Variants in PDCD2 observed in about 807,000 individuals in gnomAD.
The protein encoded by PDCD2 is programmed cell death 2.
Under a neutral mutation model 38.1 loss-of-function variants are expected in PDCD2, and 38 were observed. The ratio of observed to expected loss-of-function variants is 1.00; its 90% confidence interval spans 0.77 to 1.31. The LOEUF (loss-of-function observed/expected upper bound fraction) is 1.31. Ranked by LOEUF, PDCD2 falls within the 50% of genes most tolerant of loss-of-function variation. PDCD2 has a pLI of 0.00. For missense variants in PDCD2, 473 were observed against 435.7 expected (o/e 1.09, Z -0.76); for synonymous variants, 205 against 168.9 (o/e 1.21, Z -1.66).
At chr6:170,583,839 A>C in intron 1 of PDCD2, 92 bp from the exon 2 acceptor site, 5 of 994,266 alleles carry the variant, frequency 5.0e-6, no homozygotes, top group Non-Finnish European at 7.3e-6. Flanking sequence ...AATAACAACA[A>C]CAAAAAAGAA....
At position 170,576,245 on chromosome 6, in the gene PDCD2, A is replaced by G. The variant is rs770094038; in HGVS notation, c.*1314T>C. The G allele has an allele frequency of 6.6e-6, 1 of 152,248 alleles. No homozygotes were observed. Among genetic ancestry groups the G allele is most frequent in the South Asian group, 2.1e-4 (1 of 4,836 alleles). The allele number at this position is 152,248 out of a possible 1,614,324, so 9.4% of individuals were successfully genotyped here. ...TAACTATCTTATACAATTAATACAA[A>G]TTGCATATGTATACTTATATAATAT... On this transcript the variant is annotated 3_prime_UTR_variant, in exon 6 of 6. Transcript: ENST00000541970.
chr6:170,579,974 C>T (rs769504758), intron 4 of PDCD2, 28 bp downstream of exon 4: 6 of 1,106,846 alleles, frequency 5.4e-6, no homozygotes, highest in Non-Finnish European at 7.0e-6. Context: ...GAAGAGAACA[C>T]GATGAGGAGC....
chr6:170,584,273 C>A (rs746492266), intron 1 of PDCD2, 26 bp downstream of exon 1: 100 of 1,400,586 alleles, frequency 7.1e-5, no homozygotes, highest in Non-Finnish European at 8.9e-5. Flanking sequence ...GGCATGGCCC[C>A]GTCCCGACCC....
In PDCD2 at chr6:170,583,711, TAA is replaced by T. The variant is rs1284026246; in HGVS notation, c.318_319del (p.Phe106LeufsTer4). ...ATTCTCAGAAGGTGGCTCATATGAG[TAA>T]AAATCGTTTTTCCTGGGTAGTTGAT... On this transcript the variant is annotated frameshift_variant, in exon 2 of 6. Coordinates refer to ENST00000541970, the MANE Select transcript of PDCD2 (RefSeq NM_002598.4). LOFTEE classifies it high-confidence loss of function. The T allele has an allele frequency of 6.2e-7, 1 of 1,612,692 alleles. No homozygotes were observed. Among genetic ancestry groups the T allele is most frequent in the Admixed American group, 1.7e-5 (1 of 59,918 alleles).
chr6:170,584,255 G>A, intron 1 of PDCD2, 44 bp downstream of exon 1: 1 of 1,353,034 alleles, frequency 7.4e-7, no homozygotes, highest in Non-Finnish European at 9.5e-7. Context: ...CGCCGCGCAC[G>A]CGTCGGAGGC....
chr6:170,583,679 G>A lies in PDCD2; in HGVS notation c.352C>T (p.Pro118Ser). 1 of 1,613,726 alleles carries A rather than the reference G, an allele frequency of 6.2e-7. No homozygotes were observed. Among genetic ancestry groups the A allele is most frequent in the Non-Finnish European group, 8.5e-7 (1 of 1,179,646 alleles). ...SYEPPSENPP[P>S]ETGESVCLQL... ...AGACACACTGATTCTCCTGTTTCTG[G>A]GGGAGGATTCTCAGAAGGTGGCTCA... is the stretch of plus-strand genomic sequence containing the variant. Residue 118 changes from proline (P) to serine (S), a missense_variant, in exon 2 of 6, where the codon CCA becomes TCA. Pro to Ser is a moderately conservative substitution (Grantham distance 74). Transcript: ENST00000541970.
intron 4 of PDCD2, chr6:170,579,645 T>C (rs1343055981): frequency 6.2e-6 from 1 of 161,834 alleles, no homozygotes; most frequent in African/African-American, 2.4e-5. Flanking sequence ...CTGTTGGAAA[T>C]GGGCAAAAAT....
intron 3 of PDCD2, chr6:170,582,597 A>G (rs958769923): frequency 7.8e-7 from 1 of 1,280,676 alleles, no homozygotes; most frequent in Non-Finnish European, 9.9e-7. Context: ...CTATAATAAA[A>G]TAAGCCTCTA....
intron 4 of PDCD2, 39 bp from the exon 5 acceptor site, chr6:170,579,009 TTACCTA>T: frequency 1.6e-6 from 2 of 1,287,112 alleles, no homozygotes; most frequent in Non-Finnish European, 2.2e-6. Context: ...AATCAATACC[TTACCTA>T]TAAGTTGCCA....
chr6:170,580,697 AGAGT>A (rs887002142), intron 3 of PDCD2, among the ~76,000 whole-genome samples: 27 of 152,042 alleles, frequency 1.8e-4, no homozygotes, highest in African/African-American at 6.3e-4. Flanking sequence ...CCTGGGCGAC[AGAGT>A]GAGACTCCGT....
Position 170,583,616 on chromosome 6 carries a change from C to T in PDCD2, c.415G>A (p.Gly139Ser). ...GAGCACGTTTTGGGGCCTAAACAGC[C>T]ACAAACCCTGCAGAGATGAGCACCA... The part of the protein sequence containing the change: ...KSGAHLCRVC[G>S]CLGPKTCSRC... Residue 139 changes from glycine to serine, a missense_variant, in exon 2 of 6, where the codon GGC (glycine) becomes AGC (serine). Physicochemically the swap from Gly to Ser is moderately conservative, Grantham distance 56 (BLOSUM62 0). Coordinates refer to ENST00000541970, the MANE Select transcript of PDCD2 (RefSeq NM_002598.4). The T allele has an allele frequency of 6.2e-7, 1 of 1,613,990 alleles. No homozygotes were observed. The highest frequency in any genetic ancestry group is 8.5e-7 in the Non-Finnish European group (1 of 1,179,918).
In PDCD2 at chr6:170,584,405, G is replaced by A. The variant is rs1239955575; in HGVS notation, c.177C>T (p.Ser59=). The A allele has an allele frequency of 3.5e-6, 5 of 1,429,964 alleles. No individual in the cohort carries two copies. Among genetic ancestry groups the A allele is most frequent in the African/African-American group, 1.5e-5 (1 of 67,862 alleles). The allele number at this position is 1,429,964 out of a possible 1,614,324, so 88.6% of individuals were successfully genotyped here. Residue 59 remains serine, a synonymous_variant, in exon 1 of 6, where the codon TCC becomes TCT. Transcript: ENST00000541970. ...GCGGCGCATACACCTGCAGCAGGAAGGAGAGCGGGCGGCCGCACAGCTCGC... is the reference window on the plus strand; with the variant it reads ...GCGGCGCATACACCTGCAGCAGGAAAGAGAGCGGGCGGCCGCACAGCTCGC... ...LACELCGRPL[S]FLLQVYAPLP... is the part of the protein sequence containing the mutation.
intron 3 of PDCD2, chr6:170,582,521 C>G: frequency 1.5e-6 from 2 of 1,353,522 alleles, no homozygotes; most frequent in Non-Finnish European, 1.9e-6. Flanking sequence ...TCTGCTGTCA[C>G]GATTTTAATG....
At chr6:170,578,705 A>G in intron 5 of PDCD2, 152 bp downstream of exon 5, 1 of 712,152 alleles carries the variant, frequency 1.4e-6, no homozygotes, top group South Asian at 1.5e-5. Context: ...AACTAGCCCC[A>G]AGGTGAGGCA....
chr6:170,576,098 T>C lies in PDCD2; in HGVS notation c.*1461A>G, dbSNP rs778785938. ...CCACAGGGCTGTGACACCATAGTTATAGGTGATTTTCATAGATTTAGCCAT... is the reference window on the plus strand; with the variant it reads ...CCACAGGGCTGTGACACCATAGTTACAGGTGATTTTCATAGATTTAGCCAT... On this transcript the variant is annotated 3_prime_UTR_variant, in exon 6 of 6. Transcript: ENST00000541970. The C allele has an allele frequency of 1.4e-4, 22 of 152,332 alleles. No homozygotes were observed. The highest frequency in any genetic ancestry group is 2.4e-4 in the African/African-American group (10 of 41,576). The allele number at this position is 152,332 out of a possible 1,614,324, so 9.4% of individuals were successfully genotyped here.
Position 170,577,429 on chromosome 6 carries a change from CTG to C in PDCD2, c.*128_*129del, listed in dbSNP as rs1281597443. 1.2e-5 allele frequency: 9 copies of C among 757,276 alleles called. No individual in the cohort carries two copies. Among genetic ancestry groups the C allele is most frequent in the African/African-American group, 3.5e-5 (2 of 57,052 alleles). The allele number at this position is 757,276 out of a possible 1,614,324, so 46.9% of individuals were successfully genotyped here. A position where few individuals can be genotyped will look rare whatever the true frequency, so the allele number is the denominator to read the frequency against. On this transcript the variant is annotated 3_prime_UTR_variant, in exon 6 of 6. Coordinates refer to ENST00000541970, the MANE Select transcript of PDCD2 (RefSeq NM_002598.4). ...CTTTTGTTTCACTAATAAGTAGACA[CTG>C]TGTAAGCAATCTGTCAACATCTCTG...
Position 170,584,167 on chromosome 6 carries a change from G to A in PDCD2, c.283+132C>T, listed in dbSNP as rs1779726165. 5.9e-6 allele frequency: 6 copies of A among 1,023,482 alleles called. No homozygotes were observed. The South Asian group carries it at 1.7e-4, about 29-fold the overall frequency. The allele number at this position is 1,023,482 out of a possible 1,614,324, so 63.4% of individuals were successfully genotyped here. ...AGGGCCCGGGAGAAGGTGCTCCTGG[G>A]GCAGCGCGGAGAGGGAGCTCTGAGG... is the stretch of plus-strand genomic sequence containing the variant. On this transcript the variant is annotated intron_variant, in intron 1 of 5. Transcript: ENST00000541970.
intron 3 of PDCD2, chr6:170,582,100 G>A (rs937051409): frequency 3.3e-5 from 50 of 1,527,638 alleles, no homozygotes; most frequent in Admixed American, 5.9e-5. Flanking sequence ...ATGAACACAC[G>A]CGCGGCCCCT....
rs750468963 is a variant in PDCD2, at chr6:170,578,981, T to C, written c.763-11A>G. ...GCCATATCTAAGAATCTAAAATCAATGAAGATCATGTTCAAATAATCAATA... is the reference window on the plus strand; with the variant it reads ...GCCATATCTAAGAATCTAAAATCAACGAAGATCATGTTCAAATAATCAATA... On this transcript the variant is annotated splice_polypyrimidine_tract_variant and intron_variant, in intron 4 of 5. Transcript: ENST00000541970. The C allele has an allele frequency of 1.8e-5, 26 of 1,477,704 alleles. No individual in the cohort carries two copies. The Admixed American group carries it at 2.2e-4, about 13-fold the overall frequency. 91.5% of individuals were successfully genotyped at this position (1,477,704 alleles called of 1,614,324 possible).
Sources: allele counts gnomAD v4.1 joint callset (sites outside exome capture counted in the v4.1 genomes callset), GRCh38; gene constraint gnomAD v4.1.1; transcripts MANE v1.5; gene names NCBI Gene and HGNC (gene_info 2026-07-23, HGNC 2026-07-21).